The following KCNT1 variants were observed in gnomAD, a reference collection of about 807,000 sequenced individuals.
KCNT1 encodes the protein potassium channel subfamily T member 1.
A neutral mutation model predicts 147.8 loss-of-function variants in KCNT1; 78 were observed. The ratio of observed to expected loss-of-function variants is 0.53; its 90% confidence interval spans 0.44 to 0.64. KCNT1 has a LOEUF of 0.64. Ranked by LOEUF, KCNT1 falls within the 30% of genes least tolerant of loss-of-function variation. The pLI, the probability that KCNT1 is intolerant of heterozygous loss-of-function variation, is 0.00. For missense variants in KCNT1, 1,419 were observed against 1,750.3 expected (o/e 0.81, Z 3.38); for synonymous variants, 867 against 748.8 (o/e 1.16, Z -2.58).
chr9:135,774,737 T>C (rs1045998517), intron 19 of KCNT1, among the ~76,000 whole-genome samples: 5 of 152,146 alleles, frequency 3.3e-5, no homozygotes, highest in Admixed American at 3.3e-4. Context: ...GTGTTGTGTG[T>C]GTGTCCGGGT....
intron 23 of KCNT1, 39 bp from the exon 24 acceptor site, chr9:135,779,320 C>A (rs1444642488): frequency 1.5e-6 from 2 of 1,350,958 alleles, no homozygotes; most frequent in Non-Finnish European, 2.1e-6. Flanking sequence ...CCTCCTACAA[C>A]CACCATGGGC....
Position 135,772,764 on chromosome 9 carries a change from C to G in KCNT1, c.2058C>G (p.Ser686Arg), listed in dbSNP as rs111647144. The change falls in exon 19 of 31, where the codon AGC becomes AGG. Residue 686 changes from serine (S) to arginine (R), a missense_variant. By Grantham distance (110) the Ser-to-Arg change is moderately radical. Transcript: ENST00000371757. ...LQGTEHRPTQ[S>R]GGGGGGSKLA... ...GCACAGAGCACCGGCCTACGCAGAGCGGCGGTGGGGGCGGGGGCAGCAAGC... is the reference window on the plus strand; with the variant it reads ...GCACAGAGCACCGGCCTACGCAGAGGGGCGGTGGGGGCGGGGGCAGCAAGC... 5.4e-6 allele frequency: 8 copies of G among 1,476,730 alleles called. No individual in the cohort carries two copies. The East Asian group carries it at 2.0e-4, about 38-fold the overall frequency. 91.5% of individuals were successfully genotyped at this position (1,476,730 alleles called of 1,614,324 possible).
intron 12 of KCNT1, 147 bp from the exon 13 acceptor site, chr9:135,765,477 G>A (rs987151236): frequency 1.1e-6 from 1 of 944,884 alleles, no homozygotes. Context: ...GCCCTGCGGG[G>A]GCCCCTCTTT....
At chr9:135,708,763 A>G (rs769604318) in intron 1 of KCNT1, among the ~76,000 whole-genome samples, 17 of 152,212 alleles carry the variant, frequency 1.1e-4, no homozygotes, top group Non-Finnish European at 2.5e-4. Context: ...CAGGCTGGTC[A>G]GGAACTCCTG....
chr9:135,770,071 C>T lies in KCNT1; in HGVS notation c.1619+16C>T. Reference sequence around the variant, plus strand: ...CCCGCGGCCAGTGAGTGCCCCGTGCCCCGGGGGACCGACCTCCATGGCGGG... The same window carrying T: ...CCCGCGGCCAGTGAGTGCCCCGTGCTCCGGGGGACCGACCTCCATGGCGGG... On this transcript the variant is annotated intron_variant, in intron 16 of 30. Transcript: ENST00000371757. 1 of 1,542,138 alleles carries T rather than the reference C, an allele frequency of 6.5e-7. No homozygotes were observed. Among genetic ancestry groups the T allele is most frequent in the Non-Finnish European group, 8.8e-7 (1 of 1,141,444 alleles).
At chr9:135,785,427 C>A (rs1421355429) in intron 28 of KCNT1, 97 bp downstream of exon 28, 1 of 1,414,968 alleles carries the variant, frequency 7.1e-7, no homozygotes, top group East Asian at 2.6e-5. Context: ...ACCCACCCAC[C>A]CACAGGGCCC....
rs548906798 is a variant in KCNT1, at chr9:135,756,378, C to T, written c.541-495C>T. ...GAGAGTGCACAGGCCAGGTCCCTGGCTGGCTCCTGGGTGGGTGACCTAGTT... is the reference window on the plus strand; with the variant it reads ...GAGAGTGCACAGGCCAGGTCCCTGGTTGGCTCCTGGGTGGGTGACCTAGTT... On this transcript the variant is annotated intron_variant, in intron 6 of 30. Coordinates refer to ENST00000371757, the MANE Select transcript of KCNT1 (RefSeq NM_020822.3). 2.6e-5 allele frequency among the ~76,000 whole-genome samples: 4 copies of T among 152,298 alleles called. No homozygotes were observed. The East Asian group carries it at 7.7e-4, about 29-fold the overall frequency.
At chr9:135,739,768 T>C (rs955090309) in intron 2 of KCNT1, among the ~76,000 whole-genome samples, 3 of 152,226 alleles carry the variant, frequency 2.0e-5, no homozygotes, top group African/African-American at 7.2e-5. Context: ...CACAGTGCTC[T>C]GCGCTCTTTC....
At chr9:135,781,050 T>TCCGCC (rs1329143233) in intron 24 of KCNT1, among the ~76,000 whole-genome samples, 7 of 152,146 alleles carry the variant, frequency 4.6e-5, no homozygotes, top group Non-Finnish European at 1.0e-4. Context: ...TCACCCACGC[T>TCCGCC]CCGCCCCGCC....
rs78752353 is a variant in KCNT1 at position 135,775,474 on chromosome 9, T to C, written c.2349+59T>C. ...CCAGACGCCAGCACCGGGCCGTGCA[T>C]ACCTGCCCTGGTTTCTCTTTGGTCA... On this transcript the variant is annotated intron_variant, in intron 20 of 30. Coordinates refer to ENST00000371757, the MANE Select transcript of KCNT1 (RefSeq NM_020822.3). The C allele has an allele frequency of 0.026, 32,972 of 1,258,736 alleles. 626 individuals are homozygous for C. Among genetic ancestry groups the C allele is most frequent in the Middle Eastern group, 0.077 (408 of 5,274 alleles). 78.0% of individuals were successfully genotyped at this position (1,258,736 alleles called of 1,614,324 possible).
Position 135,757,396 on chromosome 9 carries a change from G to C in KCNT1, c.759+15G>C, listed in dbSNP as rs1831568942. On this transcript the variant is annotated intron_variant, in intron 9 of 30. Transcript: ENST00000371757. ...AAAACATGATTGTAAGCCGGGGCGG[G>C]GGGTGCAGCTGGGACTTGGGGGGGC... The C allele has an allele frequency of 1.2e-6, 2 of 1,604,326 alleles. No homozygotes were observed. The highest frequency in any genetic ancestry group is 2.7e-5 in the African/African-American group (2 of 74,952).
chr9:135,736,076 A>T (rs1830324357), intron 2 of KCNT1, among the ~76,000 whole-genome samples: 1 of 152,194 alleles, frequency 6.6e-6, no homozygotes, highest in South Asian at 2.1e-4. Flanking sequence ...GAGTGCCCCC[A>T]TGGGCTGTGC....
intron 2 of KCNT1, among the ~76,000 whole-genome samples, chr9:135,719,138 G>A (rs1054292968): frequency 1.3e-5 from 2 of 152,212 alleles, no homozygotes; most frequent in Non-Finnish European, 2.9e-5. Flanking sequence ...GAGTCCAGGG[G>A]CAACTGATGG....
chr9:135,757,088 G>GC, intron 7 of KCNT1, 68 bp from the exon 8 acceptor site: 6 of 695,726 alleles, frequency 8.6e-6, no homozygotes, highest in South Asian at 5.2e-5. Flanking sequence ...TCCCCACCCT[G>GC]CCCCTCCCCT....
chr9:135,787,965 C>T, intron 29 of KCNT1: 3 of 702,756 alleles, frequency 4.3e-6, no homozygotes, highest in Non-Finnish European at 5.2e-6. Flanking sequence ...TTTCTGGTGA[C>T]CGACTCGCTT....
intron 20 of KCNT1, among the ~76,000 whole-genome samples, chr9:135,776,537 G>A (rs906588210): frequency 3.3e-5 from 5 of 152,278 alleles, no homozygotes; most frequent in Non-Finnish European, 7.4e-5. Flanking sequence ...AAAGTGCTGG[G>A]GTTACAGGCG....
rs774520067 is a variant in KCNT1, at chr9:135,785,290, T to G, written c.3157-20T>G. On this transcript the variant is annotated intron_variant, in intron 27 of 30. Transcript: ENST00000371757. The stretch of plus-strand genomic sequence containing the variant: ...AGGGGTGCGCCCACAGGTCCCAGAC[T>G]GCGCCTGTTTCCTTTGCAGCCCCAC... 75 of 1,612,592 alleles carry G rather than the reference T, an allele frequency of 4.7e-5. No individual in the cohort carries two copies. Among genetic ancestry groups the G allele is most frequent in the Non-Finnish European group, 6.4e-5 (75 of 1,179,854 alleles).
At chr9:135,717,522 G>A (rs1478994605) in intron 2 of KCNT1, among the ~76,000 whole-genome samples, 1 of 152,138 alleles carries the variant, frequency 6.6e-6, no homozygotes, top group African/African-American at 2.4e-5. Context: ...GCGGGGGCTG[G>A]TGAGGCTGGC....
rs1344226314 is a variant in KCNT1 at position 135,757,148 on chromosome 9, G to A, written c.601-8G>A. ...TCGCCCCCGCTGATACCCCCCGTTT[G>A]GCCCCAGGGCAACATCTGGGAGCAG... On this transcript the variant is annotated splice_region_variant and splice_polypyrimidine_tract_variant and intron_variant, in intron 7 of 30. Coordinates refer to ENST00000371757, the MANE Select transcript of KCNT1 (RefSeq NM_020822.3). 1.4e-6 allele frequency: 2 copies of A among 1,473,922 alleles called. No individual in the cohort carries two copies. The highest frequency in any genetic ancestry group is 4.2e-5 in the Admixed American group (2 of 47,976). The allele number at this position is 1,473,922 out of a possible 1,614,324, so 91.3% of individuals were successfully genotyped here.
Sources: allele counts gnomAD v4.1 joint callset (sites outside exome capture counted in the v4.1 genomes callset), GRCh38; gene constraint gnomAD v4.1.1; transcripts MANE v1.5; gene names NCBI Gene and HGNC (gene_info 2026-07-23, HGNC 2026-07-21).